Variants in CREB5 observed in about 807,000 individuals in gnomAD.
The protein encoded by CREB5 is cyclic AMP-responsive element-binding protein 5.
A neutral mutation model predicts 57.1 loss-of-function variants in CREB5; 19 were observed. That is an observed-to-expected ratio of 0.33 (90% confidence interval 0.23 to 0.49). The LOEUF (loss-of-function observed/expected upper bound fraction) is 0.49. Among genes scored for constraint, CREB5 ranks in the 20% least tolerant of loss-of-function variants. CREB5 has a pLI of 0.99. For synonymous variants in CREB5, 238 were observed against 238.3 expected (o/e 1.00, Z 0.01); for missense variants, 579 against 671.6 (o/e 0.86, Z 1.52).
rs571246151 is a variant in CREB5, at chr7:28,487,711, T to C, written c.4-464T>C. 6.6e-5 allele frequency among the ~76,000 whole-genome samples: 10 copies of C among 152,316 alleles called. No homozygotes were observed. The South Asian group carries it at 2.1e-3, about 32-fold the overall frequency. ...GGTTGTGGGTGTCTCATTTCACCTG[T>C]TGCTCAGGGGTAGCATTTTCATACT... is the stretch of plus-strand genomic sequence containing the variant. On this transcript the variant is annotated intron_variant, in intron 1 of 10. Coordinates refer to ENST00000357727, the MANE Select transcript of CREB5 (RefSeq NM_182898.4).
At chr7:28,349,375 A>G (rs1356378527) in intron 1 of CREB5, among the ~76,000 whole-genome samples, 1 of 151,898 alleles carries the variant, frequency 6.6e-6, no homozygotes, top group East Asian at 1.9e-4. Context: ...TTCAAGTCAA[A>G]TTAGCCATAT....
At chr7:28,569,022 C>A (rs1367329628) in intron 4 of CREB5, among the ~76,000 whole-genome samples, 1 of 152,174 alleles carries the variant, frequency 6.6e-6, no homozygotes, top group Admixed American at 6.5e-5. Flanking sequence ...CATCTTCAAC[C>A]CATTGTCCAA....
At chr7:28,366,898 G>A (rs1319349315) in intron 1 of CREB5, among the ~76,000 whole-genome samples, 1 of 152,174 alleles carries the variant, frequency 6.6e-6, no homozygotes, top group African/African-American at 2.4e-5. Context: ...AAGTTGTAGA[G>A]GGGTAATCAT....
intron 1 of CREB5, among the ~76,000 whole-genome samples, chr7:28,356,260 G>A (rs1206359879): frequency 6.6e-6 from 1 of 152,232 alleles, no homozygotes; most frequent in East Asian, 1.9e-4. Context: ...AGTTTACCCA[G>A]ATGTAGCATG....
At chr7:28,796,822 G>C (rs1354165050) in intron 7 of CREB5, among the ~76,000 whole-genome samples, 4 of 152,118 alleles carry the variant, frequency 2.6e-5, no homozygotes, top group African/African-American at 9.7e-5. Context: ...GCGCTAAGTG[G>C]TTTACTTCTC....
chr7:28,524,560 A>G (rs930733408), intron 4 of CREB5, among the ~76,000 whole-genome samples: 2 of 152,222 alleles, frequency 1.3e-5, no homozygotes, highest in Non-Finnish European at 2.9e-5. Flanking sequence ...GAGGATAAAA[A>G]TACCTAATAA....
At chr7:28,373,904 CAT>C (rs10585117) in intron 1 of CREB5, among the ~76,000 whole-genome samples, 20,615 of 145,946 alleles carry the variant, frequency 0.14, 4,142 homozygotes, top group African/African-American at 0.45. Context: ...TTTCTGCATC[CAT>C]ATATATATAT....
At chr7:28,559,034 C>T (rs193126384) in intron 4 of CREB5, among the ~76,000 whole-genome samples, 2 of 152,170 alleles carry the variant, frequency 1.3e-5, no homozygotes, top group Non-Finnish European at 2.9e-5. Flanking sequence ...AATACCCTTT[C>T]GTCTCCCACA....
intron 5 of CREB5, among the ~76,000 whole-genome samples, chr7:28,689,470 T>C (rs895066212): frequency 2.0e-5 from 3 of 151,854 alleles, no homozygotes; most frequent in African/African-American, 7.3e-5. Flanking sequence ...TCTGTCTTAA[T>C]AATAATAATA....
At chr7:28,412,204 C>T (rs1787828559), upstream of CREB5, among the ~76,000 whole-genome samples, 1 of 152,130 alleles carries the variant, frequency 6.6e-6, no homozygotes, top group African/African-American at 2.4e-5. Flanking sequence ...AACAGAAAGC[C>T]CTTTTAATTT....
intron 1 of CREB5, among the ~76,000 whole-genome samples, chr7:28,373,299 T>C (rs976406353): frequency 5.3e-5 from 8 of 152,168 alleles, no homozygotes; most frequent in Non-Finnish European, 1.0e-4. Context: ...TATATTGTAA[T>C]TGAGAAGTAT....
At chr7:28,435,625 G>A (rs940487390) in intron 1 of CREB5, 9 of 985,102 alleles carry the variant, frequency 9.1e-6, no homozygotes, top group African/African-American at 7.0e-5. Context: ...TTTTAGTGGT[G>A]GAGTCAATTT....
intron 1 of CREB5, among the ~76,000 whole-genome samples, chr7:28,426,277 C>G (rs758099949): frequency 6.6e-6 from 1 of 152,190 alleles, no homozygotes; most frequent in Non-Finnish European, 1.5e-5. Flanking sequence ...ACCAGTGGGA[C>G]AAAACCAGTA....
intron 4 of CREB5, among the ~76,000 whole-genome samples, chr7:28,533,438 G>A (rs913375599): frequency 3.3e-5 from 5 of 152,290 alleles, no homozygotes; most frequent in South Asian, 2.1e-4. Flanking sequence ...ACCTGTCCCC[G>A]CACAGTTGCT....
At chr7:28,585,471 G>A (rs34953636) in intron 5 of CREB5, among the ~76,000 whole-genome samples, 20,404 of 152,182 alleles carry the variant, frequency 0.13, 1,797 homozygotes, top group East Asian at 0.31. Flanking sequence ...CCCCTCAGCC[G>A]GAGGGCTAGG....
In CREB5 at chr7:28,819,376, T is replaced by G; in HGVS notation, c.*97T>G. 1 of 1,210,652 alleles carries G rather than the reference T, an allele frequency of 8.3e-7. No individual in the cohort carries two copies. The highest frequency in any genetic ancestry group is 1.1e-6 in the Non-Finnish European group (1 of 878,794). The allele number at this position is 1,210,652 out of a possible 1,614,324, so 75.0% of individuals were successfully genotyped here. ...TAGAATTAACTCAGACCTGGAAGAC[T>G]CCTCAGTTCTTCAAAGACTGGCTTT... On this transcript the variant is annotated 3_prime_UTR_variant, in exon 11 of 11. Transcript: ENST00000357727.
intron 2 of CREB5, among the ~76,000 whole-genome samples, chr7:28,493,823 T>G (rs1430050560): frequency 1.3e-5 from 2 of 152,202 alleles, no homozygotes; most frequent in East Asian, 3.8e-4. Flanking sequence ...CATTGGTTTA[T>G]TACATTGTAC....
intron 4 of CREB5, among the ~76,000 whole-genome samples, chr7:28,532,057 T>A (rs1793754129): frequency 1.3e-5 from 2 of 152,106 alleles, no homozygotes; most frequent in Admixed American, 6.6e-5. Flanking sequence ...AGGCTAAAAC[T>A]TTGTCAGTGG....
chr7:28,682,684 G>A (rs1019841407), intron 5 of CREB5, among the ~76,000 whole-genome samples: 1 of 135,750 alleles, frequency 7.4e-6, no homozygotes. Flanking sequence ...CCTAAAAGTG[G>A]GGGGGGGGGG....
Sources: allele counts gnomAD v4.1 joint callset (sites outside exome capture counted in the v4.1 genomes callset), GRCh38; gene constraint gnomAD v4.1.1; transcripts MANE v1.5; gene names NCBI Gene and HGNC (gene_info 2026-07-23, HGNC 2026-07-21).